Variants in A1CF observed in about 807,000 individuals in gnomAD.
A1CF encodes the protein APOBEC1 complementation factor, also known as APOBEC-1 stimulating protein.
A neutral mutation model predicts 68.9 loss-of-function variants in A1CF; 48 were observed. That is an observed-to-expected ratio of 0.70 (90% CI 0.55 to 0.89). The LOEUF (loss-of-function observed/expected upper bound fraction) is 0.89. Among genes scored for constraint, A1CF ranks in the 40% least tolerant of loss-of-function variants. The pLI, the probability that A1CF is intolerant of heterozygous loss-of-function variation, is 0.00. For synonymous variants in A1CF, 272 were observed against 260.4 expected (o/e 1.04, Z -0.43); for missense variants, 653 against 718.9 (o/e 0.91, Z 1.05).
At chr10:50,831,298 ACAAT>A (rs1222475887) in intron 6 of A1CF, among the ~76,000 whole-genome samples, 2 of 152,246 alleles carry the variant, frequency 1.3e-5, no homozygotes, top group South Asian at 4.1e-4. Flanking sequence ...AGCAAAGGAA[ACAAT>A]CAATGGAGTG....
rs534222118 is a variant in A1CF at position 50,801,030 on chromosome 10, A to G, written c.*5699T>C. ...CCCTACTAGTGCCCTGTGGATCTCT[A>G]CAGACCAAGCAAGTGTCCCCAAGAG... On this transcript the variant is annotated 3_prime_UTR_variant, in exon 13 of 13. Transcript: ENST00000373997. 1 of 152,360 alleles carries G rather than the reference A, an allele frequency of 6.6e-6. No homozygotes were observed. Among genetic ancestry groups the G allele is most frequent in the Non-Finnish European group, 1.5e-5 (1 of 68,082 alleles). The allele number at this position is 152,360 out of a possible 1,614,324, so 9.4% of individuals were successfully genotyped here. A position where few individuals can be genotyped will look rare whatever the true frequency, so the allele number is the denominator to read the frequency against.
chr10:50,806,180 A>C lies in A1CF; in HGVS notation c.*549T>G, dbSNP rs4078160. ...ATTTTCAGGCTGAAGAGAGGTTGAA[A>C]CCACAAAATCTTGGACAGTCTTTCA... On this transcript the variant is annotated 3_prime_UTR_variant, in exon 13 of 13. Transcript: ENST00000373997. The C allele has an allele frequency of 0.78, 118,013 of 152,130 alleles. 46,988 individuals carry two copies. Among genetic ancestry groups the C allele is most frequent in the East Asian group, 0.97 (5,034 of 5,172 alleles). 9.4% of individuals were successfully genotyped at this position (152,130 alleles called of 1,614,324 possible).
At chr10:50,861,367 T>C (rs1288926945) in intron 2 of A1CF, among the ~76,000 whole-genome samples, 1 of 149,888 alleles carries the variant, frequency 6.7e-6, no homozygotes, top group African/African-American at 2.4e-5. Flanking sequence ...CTAGTATTAC[T>C]AATTGCAGCA....
intron 1 of A1CF, among the ~76,000 whole-genome samples, chr10:50,864,287 C>G (rs149892093): frequency 6.7e-4 from 101 of 151,678 alleles, no homozygotes; most frequent in African/African-American, 2.3e-3. Context: ...TGAAGCATTG[C>G]CCTAGGTTTG....
intron 8 of A1CF, among the ~76,000 whole-genome samples, chr10:50,820,065 C>G (rs1838573840): frequency 6.6e-6 from 1 of 152,120 alleles, no homozygotes; most frequent in Non-Finnish European, 1.5e-5. Context: ...CTGTAGACAA[C>G]TCAGTAGTGA....
chr10:50,868,977 A>G (rs1027804255), intron 1 of A1CF, among the ~76,000 whole-genome samples: 8 of 152,172 alleles, frequency 5.3e-5, no homozygotes, highest in Middle Eastern at 3.4e-3. Context: ...ACACACTGGC[A>G]CCTTTCAGAG....
intron 6 of A1CF, among the ~76,000 whole-genome samples, chr10:50,835,459 A>G (rs936512352): frequency 5.3e-5 from 8 of 152,150 alleles, no homozygotes; most frequent in African/African-American, 1.9e-4. Flanking sequence ...TGAGCCAAGA[A>G]CTGTAAAAAA....
In A1CF at chr10:50,836,168, T is replaced by C. The variant is rs765539833; in HGVS notation, c.510A>G (p.Pro170=). ...GGTTTTTGGTTTTATCTGCAGCGCT[T>C]GGGTAGACGATGACATCGACAACAC... ...TEGVVDVIVY[P]SAADKTKNRG... is the part of the protein sequence containing the mutation. The change falls in exon 6 of 13, where the codon CCA becomes CCG. Residue 170 remains proline, a synonymous_variant. Transcript: ENST00000373997. The C allele has an allele frequency of 6.2e-7, 1 of 1,613,990 alleles. No homozygotes were observed.
At chr10:50,849,540 G>A (rs1413278554) in intron 3 of A1CF, among the ~76,000 whole-genome samples, 4 of 152,146 alleles carry the variant, frequency 2.6e-5, no homozygotes, top group African/African-American at 9.7e-5. Context: ...GAAAAGCTAC[G>A]ATATGAACAT....
At chr10:50,806,938 CTTAT>C (rs1048426136) in intron 12 of A1CF, 58 bp from the exon 13 acceptor site, 120 of 1,524,980 alleles carry the variant, frequency 7.9e-5, no homozygotes, top group African/African-American at 7.1e-4. Flanking sequence ...TCCCTTTTGG[CTTAT>C]TTGTCTTCTT....
At chr10:50,880,805 C>A (rs1026045800) in intron 1 of A1CF, among the ~76,000 whole-genome samples, 1 of 152,170 alleles carries the variant, frequency 6.6e-6, no homozygotes, top group Non-Finnish European at 1.5e-5. Flanking sequence ...CAGTCCCCTG[C>A]CAGGCAGGTA....
At chr10:50,826,436 G>A (rs1241854308) in intron 7 of A1CF, among the ~76,000 whole-genome samples, 3 of 152,076 alleles carry the variant, frequency 2.0e-5, no homozygotes, top group Admixed American at 2.0e-4. Flanking sequence ...TGATCTCTCG[G>A]CAGAAACTCG....
At chr10:50,833,095 T>TA (rs1352751586) in intron 6 of A1CF, among the ~76,000 whole-genome samples, 1 of 152,220 alleles carries the variant, frequency 6.6e-6, no homozygotes, top group African/African-American at 2.4e-5. Context: ...CCTAACTTTA[T>TA]ATTCCAGTGA....
At chr10:50,864,282 C>T (rs1209698285) in intron 1 of A1CF, among the ~76,000 whole-genome samples, 1 of 152,138 alleles carries the variant, frequency 6.6e-6, no homozygotes, top group East Asian at 1.9e-4. Context: ...ACCTGTGAAG[C>T]ATTGCCCTAG....
chr10:50,868,326 A>G (rs1841090006), intron 1 of A1CF, among the ~76,000 whole-genome samples: 1 of 152,222 alleles, frequency 6.6e-6, no homozygotes, highest in Non-Finnish European at 1.5e-5. Context: ...ATTGCTTTGC[A>G]TTGCTTGATA....
rs990360509 is a variant in A1CF at position 50,844,220 on chromosome 10, T to A, written c.100-98A>T. ...TTCAAAATAATTTCACATTAATGAA[T>A]GTATTTATCATTGACAAGTAATAAT... On this transcript the variant is annotated intron_variant, in intron 3 of 12. Transcript: ENST00000373997. 54 of 1,512,966 alleles carry A rather than the reference T, an allele frequency of 3.6e-5. No individual in the cohort carries two copies. The African/African-American group carries it at 7.6e-4, about 21-fold the overall frequency. 93.7% of individuals were successfully genotyped at this position (1,512,966 alleles called of 1,614,324 possible). A position where few individuals can be genotyped will look rare whatever the true frequency, so the allele number is the denominator to read the frequency against.
At chr10:50,838,212 T>C (rs1564513336) in intron 5 of A1CF, among the ~76,000 whole-genome samples, 1 of 152,200 alleles carries the variant, frequency 6.6e-6, no homozygotes, top group Admixed American at 6.5e-5. Context: ...GCAGGTTTTC[T>C]GACCAGGGTT....
chr10:50,829,728 A>G (rs1229028823), intron 6 of A1CF, among the ~76,000 whole-genome samples: 1 of 152,104 alleles, frequency 6.6e-6, no homozygotes, highest in Non-Finnish European at 1.5e-5. Context: ...TATTATTCCA[A>G]GATCCCCAAG....
intron 7 of A1CF, among the ~76,000 whole-genome samples, chr10:50,821,639 G>A (rs1017297264): frequency 2.0e-5 from 3 of 151,784 alleles, no homozygotes; most frequent in Admixed American, 6.6e-5. Flanking sequence ...TGGTTCAAGC[G>A]ATTCTTCTGC....
Sources: allele counts gnomAD v4.1 joint callset (sites outside exome capture counted in the v4.1 genomes callset), GRCh38; gene constraint gnomAD v4.1.1; transcripts MANE v1.5; gene names NCBI Gene and HGNC (gene_info 2026-07-23, HGNC 2026-07-21).